NCKAP5: variants seen among roughly 807,000 people sequenced by gnomAD.
NCKAP5 encodes NCK associated protein 5.
Under a neutral mutation model 167.0 loss-of-function variants are expected in NCKAP5, and 92 were observed. The observed-to-expected ratio is 0.55, with a 90% CI of 0.47 to 0.66. The LOEUF (loss-of-function observed/expected upper bound fraction) is 0.66, where lower values mean the gene tolerates loss of function less well. NCKAP5 is among the 30% of genes least tolerant of loss of function. The pLI, the probability that NCKAP5 is intolerant of heterozygous loss-of-function variation, is 0.00. For synonymous variants in NCKAP5, 891 were observed against 877.4 expected, an observed-to-expected ratio of 1.02 and a Z score of -0.27; for missense variants, 2,378 against 2,315.0, an observed-to-expected ratio of 1.03 and a Z score of -0.56.
chr2:132,832,994 C>T (rs569335537), intron 11 of NCKAP5, among the ~76,000 whole-genome samples: 1 of 152,040 alleles, frequency 6.6e-6, no homozygotes, highest in Non-Finnish European at 1.5e-5. Context: ...ACATTCTCAC[C>T]AACAGTATAC....
intron 6 of NCKAP5, 147 bp downstream of exon 6, chr2:133,129,831 C>A (rs1164965045): frequency 3.4e-6 from 3 of 878,050 alleles, no homozygotes; most frequent in African/African-American, 3.5e-5. Context: ...CCATAGGATG[C>A]TTCAGTCAGA....
At chr2:133,233,768 T>C (rs80044426) in intron 4 of NCKAP5, among the ~76,000 whole-genome samples, 3,117 of 152,318 alleles carry the variant, frequency 0.02, 97 homozygotes, top group South Asian at 0.061. Context: ...CATCGTCTTA[T>C]TGAATCCATA....
intron 6 of NCKAP5, among the ~76,000 whole-genome samples, chr2:133,061,899 C>T (rs145132179): frequency 3.3e-4 from 50 of 152,250 alleles, no homozygotes; most frequent in African/African-American, 1.1e-3. Context: ...ACTCCCCAAC[C>T]ACTAGGTTTC....
intron 3 of NCKAP5, among the ~76,000 whole-genome samples, chr2:133,513,305 T>G (rs1466261181): frequency 6.6e-6 from 1 of 152,210 alleles, no homozygotes; most frequent in Admixed American, 6.5e-5. Flanking sequence ...GCTGCAACTT[T>G]AGGCAAAGGT....
intron 3 of NCKAP5, among the ~76,000 whole-genome samples, chr2:133,383,457 T>C (rs1195797191): frequency 1.3e-5 from 2 of 152,230 alleles, no homozygotes; most frequent in African/African-American, 4.8e-5. Flanking sequence ...CTTAATCCAG[T>C]CTATCATTGT....
At chr2:133,470,487 A>C (rs1172236418) in intron 3 of NCKAP5, among the ~76,000 whole-genome samples, 2 of 152,208 alleles carry the variant, frequency 1.3e-5, no homozygotes. Flanking sequence ...CTGCCCCCAG[A>C]GGTGGAGCCT....
intron 11 of NCKAP5, among the ~76,000 whole-genome samples, chr2:132,806,422 C>A (rs1350529140): frequency 6.6e-6 from 1 of 152,176 alleles, no homozygotes; most frequent in African/African-American, 2.4e-5. Flanking sequence ...TTCACCATAT[C>A]CACTCTGACA....
chr2:132,753,683 G>A (rs980411822), intron 16 of NCKAP5, among the ~76,000 whole-genome samples: 3 of 152,168 alleles, frequency 2.0e-5, no homozygotes, highest in African/African-American at 7.2e-5. Flanking sequence ...AGAAAGCAAG[G>A]GTTTTGAGGG....
intron 15 of NCKAP5, among the ~76,000 whole-genome samples, chr2:132,777,644 C>T (rs944207766): frequency 5.3e-5 from 8 of 152,034 alleles, no homozygotes; most frequent in South Asian, 2.1e-4. Context: ...ACTTTGCAGG[C>T]GGAGGGCAAA....
rs139022033 is a variant in NCKAP5 at position 133,270,226 on chromosome 2, G to GTGGT, written c.143+32807_143+32810dup. On this transcript the variant is annotated intron_variant, in intron 4 of 19. Coordinates refer to ENST00000409261, the MANE Select transcript of NCKAP5 (RefSeq NM_207363.3). ...AATAGACAATTGTACCATGATTGTG[G>GTGGT]TGGTAGTTGCAAAACTATATTTTGT... Among the ~76,000 whole-genome samples the GTGGT allele has an allele frequency of 6.7e-3, 1,017 of 152,244 alleles. 14 individuals are homozygous for GTGGT. The highest frequency in any genetic ancestry group is 0.043 in the East Asian group (223 of 5,182).
At chr2:133,191,203 C>T (rs571340093) in intron 5 of NCKAP5, among the ~76,000 whole-genome samples, 1 of 152,230 alleles carries the variant, frequency 6.6e-6, no homozygotes, top group South Asian at 2.1e-4. Context: ...CAGAAAAATG[C>T]AAATCAAAAC....
chr2:133,362,927 C>T (rs899917963), intron 3 of NCKAP5, among the ~76,000 whole-genome samples: 11 of 151,388 alleles, frequency 7.3e-5, no homozygotes, highest in East Asian at 1.9e-4. Context: ...CTAGTTTTTT[C>T]GTTTTTTGTT....
intron 2 of NCKAP5, among the ~76,000 whole-genome samples, chr2:133,533,406 G>T (rs1380240168): frequency 6.6e-6 from 1 of 152,210 alleles, no homozygotes. Flanking sequence ...TCTCTGAGAA[G>T]TGTGCAACCT....
At chr2:133,479,555 T>C (rs956261883) in intron 3 of NCKAP5, among the ~76,000 whole-genome samples, 30 of 152,234 alleles carry the variant, frequency 2.0e-4, no homozygotes, top group Non-Finnish European at 4.4e-4. Flanking sequence ...GATGCCCTAA[T>C]ATACCCTGAC....
intron 11 of NCKAP5, among the ~76,000 whole-genome samples, chr2:132,806,448 TC>T (rs1685447833): frequency 6.6e-6 from 1 of 152,138 alleles, no homozygotes; most frequent in South Asian, 2.1e-4. Context: ...TGTTTTTTTT[TC>T]ATTATGGCCA....
intron 3 of NCKAP5, among the ~76,000 whole-genome samples, chr2:133,348,688 T>C (rs575606348): frequency 1.8e-4 from 27 of 152,120 alleles, no homozygotes; most frequent in African/African-American, 5.5e-4. Flanking sequence ...TTCTCTTGAC[T>C]CCCCCCTTCT....
Position 133,271,012 on chromosome 2 carries a change from C to A in NCKAP5, c.143+32025G>T, listed in dbSNP as rs550599636. On this transcript the variant is annotated intron_variant, in intron 4 of 19. Transcript: ENST00000409261. ...TCAGCTGAGTGCAAGCTCTGCCTCCCGGGTTCACGTCATTCTCCTGCCTCA... is the reference window on the plus strand; with the variant it reads ...TCAGCTGAGTGCAAGCTCTGCCTCCAGGGTTCACGTCATTCTCCTGCCTCA... Among the ~76,000 whole-genome samples the A allele has an allele frequency of 4.0e-5, 6 of 150,936 alleles. No homozygotes were observed. The South Asian group carries it at 1.3e-3, about 32-fold the overall frequency.
chr2:133,008,804 A>G (rs1262487466), intron 6 of NCKAP5, among the ~76,000 whole-genome samples: 3 of 152,244 alleles, frequency 2.0e-5, no homozygotes, highest in Non-Finnish European at 4.4e-5. Flanking sequence ...AAAACAAAAC[A>G]AAAATGAACC....
intron 5 of NCKAP5, among the ~76,000 whole-genome samples, chr2:133,152,477 A>C (rs2083416874): frequency 6.6e-6 from 1 of 152,196 alleles, no homozygotes. Context: ...TCTCTTGTTA[A>C]TCTGTCTTTG....
Sources: allele counts gnomAD v4.1 joint callset (sites outside exome capture counted in the v4.1 genomes callset), GRCh38; gene constraint gnomAD v4.1.1; transcripts MANE v1.5; gene names NCBI Gene and HGNC (gene_info 2026-07-23, HGNC 2026-07-21).